CRKL: variants seen among roughly 807,000 people sequenced by gnomAD.
CRKL encodes crk-like protein.
In CRKL, 3 loss-of-function variants were observed where a neutral mutation model predicts 23.0. The observed-to-expected ratio is 0.13, with a 90% CI of 0.06 to 0.34. The LOEUF (loss-of-function observed/expected upper bound fraction) is 0.34. Among genes scored for constraint, CRKL ranks in the 10% least tolerant of loss-of-function variants. The probability of loss-of-function intolerance (pLI) is 1.00; values close to 1 mark genes in which losing one functional copy is unlikely to be tolerated. For missense variants in CRKL, 256 were observed against 394.5 expected (o/e 0.65, Z 2.97); for synonymous variants, 188 against 160.7 (o/e 1.17, Z -1.28).
At chr22:20,920,090 C>T (rs1465529279) in intron 1 of CRKL, among the ~76,000 whole-genome samples, 3 of 152,152 alleles carry the variant, frequency 2.0e-5, no homozygotes, top group African/African-American at 7.2e-5. Context: ...TGTAATATGA[C>T]TGAATAAATT....
Position 20,917,800 on chromosome 22 carries a change from C to A in CRKL, c.-135C>A. 1.2e-6 allele frequency: 1 copy of A among 853,808 alleles called. No homozygotes were observed. Among genetic ancestry groups the A allele is most frequent in the Non-Finnish European group, 1.8e-6 (1 of 565,376 alleles). 52.9% of individuals were successfully genotyped at this position (853,808 alleles called of 1,614,324 possible). ...CCCGGAGCCGAGAGGAAAGTGCTGG[C>A]CCAGCCCTCTGAGCGCTCCTCGAGG... On this transcript the variant is annotated 5_prime_UTR_variant, in exon 1 of 3. Coordinates refer to ENST00000354336, the MANE Select transcript of CRKL (RefSeq NM_005207.4).
At chr22:20,926,517 GATT>G (rs1428149330) in intron 1 of CRKL, among the ~76,000 whole-genome samples, 2 of 152,122 alleles carry the variant, frequency 1.3e-5, no homozygotes, top group Admixed American at 6.6e-5. Context: ...GTGGGTGCGT[GATT>G]CTTTTCAACA....
intron 2 of CRKL, among the ~76,000 whole-genome samples, chr22:20,937,878 T>A (rs1264297136): frequency 7.0e-6 from 1 of 143,182 alleles, no homozygotes; most frequent in East Asian, 2.2e-4. Context: ...CATAAGTAAA[T>A]TTTTTTTTTT....
chr22:20,925,234 A>G (rs1283780743), intron 1 of CRKL, among the ~76,000 whole-genome samples: 1 of 150,384 alleles, frequency 6.6e-6, no homozygotes, highest in Non-Finnish European at 1.5e-5. Context: ...AAGTACTAGT[A>G]GCCATTCGAT....
At chr22:20,938,845 C>T (rs751767585) in intron 2 of CRKL, among the ~76,000 whole-genome samples, 2 of 152,094 alleles carry the variant, frequency 1.3e-5, no homozygotes, top group African/African-American at 4.8e-5. Flanking sequence ...TGTGCTTTTC[C>T]CCCATGGTGT....
intron 2 of CRKL, among the ~76,000 whole-genome samples, chr22:20,935,793 G>A (rs117326418): frequency 0.03 from 4,524 of 152,028 alleles, 88 homozygotes; most frequent in Middle Eastern, 0.065. Flanking sequence ...GCAAGTGCTG[G>A]GATTACAGGC....
chr22:20,923,873 T>C (rs1467519432), intron 1 of CRKL, among the ~76,000 whole-genome samples: 4 of 150,460 alleles, frequency 2.7e-5, no homozygotes, highest in African/African-American at 9.8e-5. Context: ...TCACCGCGCC[T>C]GGCTACTAAA....
Position 20,953,117 on chromosome 22 carries a change from G to T in CRKL, c.*3272G>T, listed in dbSNP as rs555357762. The T allele has an allele frequency of 1.7e-5, 4 of 231,924 alleles. No homozygotes were observed. Among genetic ancestry groups the T allele is most frequent in the East Asian group, 6.1e-5 (1 of 16,328 alleles). 14.4% of individuals were successfully genotyped at this position (231,924 alleles called of 1,614,324 possible). ...TTTATTTTTGAAAAGGGATGATGTG[G>T]TTTTTTGCCAGGTGTTTATAATTAA... On this transcript the variant is annotated 3_prime_UTR_variant, in exon 3 of 3. Transcript: ENST00000354336.
Position 20,952,985 on chromosome 22 carries a change from T to G in CRKL, c.*3140T>G, listed in dbSNP as rs1454308964. ...AGCTGTGCCCTCCTGGGAGCTCATGTGTCCCTGGCGCTGTGCTAGCTTTCC... is the reference window on the plus strand; with the variant it reads ...AGCTGTGCCCTCCTGGGAGCTCATGGGTCCCTGGCGCTGTGCTAGCTTTCC... On this transcript the variant is annotated 3_prime_UTR_variant, in exon 3 of 3. Transcript: ENST00000354336. The G allele has an allele frequency of 4.3e-6, 1 of 231,896 alleles. No homozygotes were observed. Among genetic ancestry groups the G allele is most frequent in the African/African-American group, 2.2e-5 (1 of 45,374 alleles). 14.4% of individuals were successfully genotyped at this position (231,896 alleles called of 1,614,324 possible). A position where few individuals can be genotyped will look rare whatever the true frequency, so the allele number is the denominator to read the frequency against.
intron 1 of CRKL, among the ~76,000 whole-genome samples, chr22:20,921,208 T>C (rs1056738554): frequency 1.3e-5 from 2 of 152,176 alleles, no homozygotes; most frequent in Non-Finnish European, 2.9e-5. Context: ...AAAGCCAGAG[T>C]TTCATGCCTC....
Position 20,950,489 on chromosome 22 carries a change from C to G in CRKL, c.*644C>G. ...AGTGCAGTGGCGCAATCTCGCCTTC[C>G]TGCAGTCTCCGCCTCCTGAGTTCAA... On this transcript the variant is annotated 3_prime_UTR_variant, in exon 3 of 3. Transcript: ENST00000354336. 1.3e-5 allele frequency: 3 copies of G among 230,514 alleles called. No individual in the cohort carries two copies. The highest frequency in any genetic ancestry group is 2.6e-5 in the Non-Finnish European group (3 of 116,370). 14.3% of individuals were successfully genotyped at this position (230,514 alleles called of 1,614,324 possible). A position where few individuals can be genotyped will look rare whatever the true frequency, so the allele number is the denominator to read the frequency against.
chr22:20,921,547 A>G (rs1920995000), intron 1 of CRKL, among the ~76,000 whole-genome samples: 2 of 152,188 alleles, frequency 1.3e-5, no homozygotes, highest in African/African-American at 4.8e-5. Flanking sequence ...TGGCGTGGTC[A>G]GAGAAAGCAT....
intron 2 of CRKL, among the ~76,000 whole-genome samples, chr22:20,935,653 A>T (rs955037876): frequency 6.6e-6 from 1 of 150,982 alleles, no homozygotes; most frequent in Non-Finnish European, 1.5e-5. Flanking sequence ...CAGCCTCCCG[A>T]GTAGCGGGGC....
intron 1 of CRKL, among the ~76,000 whole-genome samples, chr22:20,928,812 C>CAAAAA (rs57896414): frequency 3.7e-5 from 3 of 81,568 alleles, no homozygotes; most frequent in Admixed American, 1.6e-4. Context: ...GATCCCATCT[C>CAAAAA]AAAAAAAAAA....
chr22:20,932,269 C>T (rs978797528), intron 1 of CRKL, among the ~76,000 whole-genome samples: 2 of 151,980 alleles, frequency 1.3e-5, no homozygotes, highest in Admixed American at 1.3e-4. Context: ...CCACTATGCC[C>T]GGCTCATTTT....
In CRKL at chr22:20,951,197, G is replaced by A. The variant is rs1922260649; in HGVS notation, c.*1352G>A. 8.6e-6 allele frequency: 2 copies of A among 232,430 alleles called. No homozygotes were observed. The highest frequency in any genetic ancestry group is 1.2e-4 in the East Asian group (2 of 16,470). The allele number at this position is 232,430 out of a possible 1,614,324, so 14.4% of individuals were successfully genotyped here. A position where few individuals can be genotyped will look rare whatever the true frequency, so the allele number is the denominator to read the frequency against. On this transcript the variant is annotated 3_prime_UTR_variant, in exon 3 of 3. Transcript: ENST00000354336. ...TCCACTCACTGAAGCCCAGACCTCC[G>A]TGCCCAGGCCCAATCTCGTCAGGCT...
chr22:20,922,492 A>G (rs567278459), intron 1 of CRKL, among the ~76,000 whole-genome samples: 73 of 152,244 alleles, frequency 4.8e-4, no homozygotes, highest in African/African-American at 1.8e-3. Flanking sequence ...AATGATGGTG[A>G]CTAATAGTGA....
At chr22:20,940,081 C>T (rs1222452822) in intron 2 of CRKL, among the ~76,000 whole-genome samples, 1 of 152,214 alleles carries the variant, frequency 6.6e-6, no homozygotes, top group Non-Finnish European at 1.5e-5. Flanking sequence ...TGAGCCACCA[C>T]GCCCAGCCTC....
intron 2 of CRKL, among the ~76,000 whole-genome samples, chr22:20,938,580 C>T (rs1271066750): frequency 1.3e-5 from 2 of 152,180 alleles, no homozygotes; most frequent in Non-Finnish European, 2.9e-5. Flanking sequence ...TCATTTGAGT[C>T]ATGAAACAGC....
Sources: gnomAD v4.1 joint callset for allele counts (sites outside exome capture counted in the v4.1 genomes callset) on GRCh38, gnomAD v4.1.1 for gene constraint, MANE v1.5 for transcripts, NCBI Gene and HGNC (gene_info 2026-07-23, HGNC 2026-07-21) for gene names.